ATXN8OS: variants seen among roughly 807,000 people sequenced by gnomAD.
The protein encoded by ATXN8OS is ATXN8 opposite strand (non-protein coding).
At chr13:70,139,383 A>ACTACTG in intron 3 of ATXN8OS, 7,751 of 457,124 alleles carry the variant, frequency 0.017, 34 homozygotes, top group Non-Finnish European at 0.021. Context: ...TACTACTACT[A>ACTACTG]CTGCTGCTGC....
chr13:70,117,728 A>G (rs565580147), intron 2 of ATXN8OS, among the ~76,000 whole-genome samples: 1 of 152,238 alleles, frequency 6.6e-6, no homozygotes, highest in Admixed American at 6.5e-5. Flanking sequence ...GCAAAATAGA[A>G]GTTAACGTGT....
At chr13:70,130,189 T>A (rs1027245448) in intron 3 of ATXN8OS, among the ~76,000 whole-genome samples, 1 of 152,204 alleles carries the variant, frequency 6.6e-6, no homozygotes, top group African/African-American at 2.4e-5. Flanking sequence ...TATGTTGCGA[T>A]ACACTAAACA....
At chr13:70,153,336 A>G (rs1392042272) in intron 4 of ATXN8OS, among the ~76,000 whole-genome samples, 3 of 152,102 alleles carry the variant, frequency 2.0e-5, no homozygotes, top group Non-Finnish European at 2.9e-5. Context: ...GCACTTTGGG[A>G]GGCTGAGGCA....
At chr13:70,128,374 T>C (rs1051140940) in intron 2 of ATXN8OS, among the ~76,000 whole-genome samples, 1 of 152,124 alleles carries the variant, frequency 6.6e-6, no homozygotes, top group Non-Finnish European at 1.5e-5. Context: ...GCCCCATAAC[T>C]GTCTTTTACA....
exon 5 of ATXN8OS, among the ~76,000 whole-genome samples, chr13:70,171,655 T>C (rs1204884370): frequency 2.0e-5 from 3 of 152,140 alleles, no homozygotes; most frequent in Non-Finnish European, 4.4e-5. Flanking sequence ...ATGTGAACGA[T>C]GACTGTATAT....
chr13:70,138,286 G>C (rs760967850), intron 3 of ATXN8OS, among the ~76,000 whole-genome samples: 4 of 150,534 alleles, frequency 2.7e-5, no homozygotes, highest in Non-Finnish European at 4.4e-5. Flanking sequence ...TTTCAGGCTG[G>C]ATAGCTCTGA....
intron 4 of ATXN8OS, among the ~76,000 whole-genome samples, chr13:70,157,441 A>G (rs192669627): frequency 3.9e-5 from 6 of 152,226 alleles, no homozygotes; most frequent in African/African-American, 1.4e-4. Flanking sequence ...CAAGAATTAA[A>G]CCACAAATTG....
chr13:70,135,074 A>G (rs1888593457), intron 3 of ATXN8OS, among the ~76,000 whole-genome samples: 1 of 152,136 alleles, frequency 6.6e-6, no homozygotes, highest in Non-Finnish European at 1.5e-5. Context: ...ACAATCATAA[A>G]CTTCAGTTCT....
At chr13:70,165,420 A>C (rs1481867140) in intron 4 of ATXN8OS, among the ~76,000 whole-genome samples, 1 of 151,906 alleles carries the variant, frequency 6.6e-6, no homozygotes, top group Non-Finnish European at 1.5e-5. Context: ...GAAAAGAATA[A>C]ATAAAAATAA....
intron 2 of ATXN8OS, among the ~76,000 whole-genome samples, chr13:70,125,849 A>C (rs1473199888): frequency 6.6e-6 from 1 of 152,088 alleles, no homozygotes; most frequent in Non-Finnish European, 1.5e-5. Flanking sequence ...TAGACTTTAC[A>C]TATAACCGAG....
chr13:70,112,520 G>A (rs1888211344), intron 1 of ATXN8OS, among the ~76,000 whole-genome samples: 2 of 151,924 alleles, frequency 1.3e-5, no homozygotes, highest in Admixed American at 1.3e-4. Flanking sequence ...AACCATTCAT[G>A]GTCTATTAAT....
chr13:70,163,479 G>T (rs991847034), intron 4 of ATXN8OS, among the ~76,000 whole-genome samples: 1 of 151,968 alleles, frequency 6.6e-6, no homozygotes, highest in Admixed American at 6.6e-5. Flanking sequence ...AGGTTTCCCT[G>T]CTGGTCTTTT....
chr13:70,153,383 G>A (rs970674702), intron 4 of ATXN8OS, among the ~76,000 whole-genome samples: 3 of 151,860 alleles, frequency 2.0e-5, no homozygotes, highest in Non-Finnish European at 4.4e-5. Flanking sequence ...GACCAGTCTG[G>A]CCAACATAGT....
intron 4 of ATXN8OS, among the ~76,000 whole-genome samples, chr13:70,152,600 C>T (rs1888884765): frequency 2.0e-5 from 3 of 151,912 alleles, no homozygotes; most frequent in Admixed American, 1.3e-4. Context: ...ATGCATGATG[C>T]CCCTATGCCT....
chr13:70,108,417 A>G (rs539830366), intron 1 of ATXN8OS: 20 of 156,490 alleles, frequency 1.3e-4, no homozygotes, highest in Admixed American at 1.1e-3. Flanking sequence ...CAAAAGAAAA[A>G]GCCCGCCTGT....
chr13:70,164,081 T>C (rs1404903408), intron 4 of ATXN8OS, among the ~76,000 whole-genome samples: 1 of 145,550 alleles, frequency 6.9e-6, no homozygotes, highest in Non-Finnish European at 1.5e-5. Flanking sequence ...TTATTATTAT[T>C]ATTATTATTA....
chr13:70,146,337 AT>A (rs1308797632), intron 3 of ATXN8OS, among the ~76,000 whole-genome samples: 2 of 150,298 alleles, frequency 1.3e-5, no homozygotes, highest in Non-Finnish European at 3.0e-5. Flanking sequence ...TAGTTCAACC[AT>A]TGTGGAAGTC....
At chr13:70,150,507 G>C (rs1888852323) in intron 4 of ATXN8OS, among the ~76,000 whole-genome samples, 1 of 152,098 alleles carries the variant, frequency 6.6e-6, no homozygotes, top group African/African-American at 2.4e-5. Context: ...TAAGGTAGGA[G>C]ACTGCAGGCT....
At chr13:70,158,114 C>G (rs1416165419) in intron 4 of ATXN8OS, among the ~76,000 whole-genome samples, 5 of 152,274 alleles carry the variant, frequency 3.3e-5, no homozygotes, top group African/African-American at 1.2e-4. Flanking sequence ...GCTTATTCCA[C>G]ACTTCTTTAA....
Sources: allele counts gnomAD v4.1 joint callset (sites outside exome capture counted in the v4.1 genomes callset), GRCh38; gene constraint gnomAD v4.1.1; transcripts MANE v1.5; gene names NCBI Gene and HGNC (gene_info 2026-07-23, HGNC 2026-07-21).